Variants in HDAC9 observed in about 807,000 individuals in gnomAD.
HDAC9 encodes histone deacetylase 9.
Under a neutral mutation model 139.4 loss-of-function variants are expected in HDAC9, and 41 were observed. The observed-to-expected ratio is 0.29, with a 90% CI of 0.23 to 0.38. The LOEUF is 0.38. Ranked by LOEUF, HDAC9 falls within the 10% of genes least tolerant of loss-of-function variation. HDAC9 has a pLI of 1.00. For missense variants in HDAC9, 1,147 were observed against 1,297.0 expected (o/e 0.88, Z 1.78); for synonymous variants, 517 against 476.2 (o/e 1.09, Z -1.12).
At chr7:18,412,676 T>A (rs1165024876) in intron 1 of HDAC9, among the ~76,000 whole-genome samples, 1 of 152,156 alleles carries the variant, frequency 6.6e-6, no homozygotes, top group Non-Finnish European at 1.5e-5. Context: ...CTTTATTACA[T>A]GGCAGAAAAC....
chr7:18,548,290 A>C (rs1815889921), intron 2 of HDAC9, among the ~76,000 whole-genome samples: 2 of 152,146 alleles, frequency 1.3e-5, no homozygotes, highest in Admixed American at 6.5e-5. Flanking sequence ...AACATCAAAG[A>C]TCACTGATTA....
At chr7:18,092,617 G>T (rs928666525) in intron 1 of HDAC9, among the ~76,000 whole-genome samples, 2 of 152,024 alleles carry the variant, frequency 1.3e-5, no homozygotes, top group African/African-American at 4.8e-5. Flanking sequence ...ATTGTCCATT[G>T]CCAAAAAGAA....
At chr7:18,155,277 A>G (rs1197052170) in intron 1 of HDAC9, among the ~76,000 whole-genome samples, 1 of 152,062 alleles carries the variant, frequency 6.6e-6, no homozygotes, top group Non-Finnish European at 1.5e-5. Context: ...AAATCAGTGC[A>G]GTAAGACTTT....
At chr7:18,241,637 C>T in intron 2 of HDAC9, among the ~76,000 whole-genome samples, 1 of 152,286 alleles carries the variant, frequency 6.6e-6, no homozygotes, top group East Asian at 1.9e-4. Context: ...AAGTCAACAA[C>T]ATTTTAGTGT....
At chr7:18,606,455 C>G (rs1835526830) in intron 6 of HDAC9, among the ~76,000 whole-genome samples, 1 of 152,142 alleles carries the variant, frequency 6.6e-6, no homozygotes, top group Admixed American at 6.5e-5. Context: ...CAGTGTCCAG[C>G]TTGCTCATGA....
At chr7:18,507,748 C>G (rs1222671572) in intron 2 of HDAC9, among the ~76,000 whole-genome samples, 2 of 152,162 alleles carry the variant, frequency 1.3e-5, no homozygotes, top group Non-Finnish European at 2.9e-5. Context: ...GCCTTGGCCT[C>G]CCATGTTTTT....
At chr7:18,153,391 G>C (rs1471715831) in intron 1 of HDAC9, among the ~76,000 whole-genome samples, 1 of 152,128 alleles carries the variant, frequency 6.6e-6, no homozygotes. Flanking sequence ...TTGGTTACTT[G>C]ATATACACCC....
chr7:18,964,906 C>G (rs552384858), intron 24 of HDAC9, among the ~76,000 whole-genome samples: 1 of 152,300 alleles, frequency 6.6e-6, no homozygotes, highest in South Asian at 2.1e-4. Flanking sequence ...GGCACAAAGC[C>G]TAACCATATC....
At chr7:18,883,767 A>C (rs1005497262) in intron 22 of HDAC9, among the ~76,000 whole-genome samples, 1 of 152,138 alleles carries the variant, frequency 6.6e-6, no homozygotes, top group Non-Finnish European at 1.5e-5. Context: ...TCCAAATGAC[A>C]TGATTTTATA....
chr7:18,968,574 A>G (rs997044602), intron 24 of HDAC9, among the ~76,000 whole-genome samples: 5 of 152,172 alleles, frequency 3.3e-5, no homozygotes, highest in African/African-American at 1.2e-4. Flanking sequence ...GTAACTGACT[A>G]GAGGAAGTTT....
intron 8 of HDAC9, among the ~76,000 whole-genome samples, chr7:18,640,037 T>C (rs1785075830): frequency 6.6e-6 from 1 of 152,074 alleles, no homozygotes. Context: ...ATGCATATTG[T>C]AGATAATTTG....
At chr7:18,544,654 A>T (rs1438631632) in intron 2 of HDAC9, among the ~76,000 whole-genome samples, 3 of 152,226 alleles carry the variant, frequency 2.0e-5, no homozygotes, top group Non-Finnish European at 4.4e-5. Context: ...CAACAACAAC[A>T]AAGATGAGTA....
At chr7:18,514,682 A>G (rs542867578) in intron 2 of HDAC9, among the ~76,000 whole-genome samples, 2 of 152,314 alleles carry the variant, frequency 1.3e-5, no homozygotes, top group South Asian at 2.1e-4. Flanking sequence ...GCCCATGCCT[A>G]TAAACCTCAG....
At chr7:18,684,097 A>G (rs57356479) in intron 12 of HDAC9, among the ~76,000 whole-genome samples, 29,445 of 151,190 alleles carry the variant, frequency 0.19, 4,433 homozygotes, top group African/African-American at 0.42. Context: ...TCTCTACAAA[A>G]AAATACAAGA....
chr7:18,953,103 GT>G (rs1782914251), intron 23 of HDAC9, among the ~76,000 whole-genome samples: 2 of 151,878 alleles, frequency 1.3e-5, no homozygotes, highest in Admixed American at 6.6e-5. Context: ...GTTTTTTTAG[GT>G]TTTCCTACAG....
intron 2 of HDAC9, among the ~76,000 whole-genome samples, chr7:18,546,812 C>T (rs1468047555): frequency 6.6e-6 from 1 of 152,122 alleles, no homozygotes; most frequent in East Asian, 1.9e-4. Context: ...AACTTCTCTC[C>T]GTTGTGTGTT....
In HDAC9 at chr7:18,869,402, CCTT is replaced by C. The variant is rs543488053; in HGVS notation, c.2685-5070_2685-5068del. On this transcript the variant is annotated intron_variant, in intron 21 of 25. Transcript: ENST00000686413. ...ATCTGGTTGTTTAAAAGTAGCACCTCCTTCTTCTCTCTCTTCCTCCTACTCTGC... is the reference window on the plus strand; with the variant it reads ...ATCTGGTTGTTTAAAAGTAGCACCTCCTTCTCTCTCTTCCTCCTACTCTGC... Among the ~76,000 whole-genome samples the C allele has an allele frequency of 2.6e-5, 4 of 152,092 alleles. No homozygotes were observed. The South Asian group carries it at 8.3e-4, about 32-fold the overall frequency.
chr7:18,595,853 G>C (rs1359486912), intron 6 of HDAC9, among the ~76,000 whole-genome samples: 1 of 152,002 alleles, frequency 6.6e-6, no homozygotes, highest in African/African-American at 2.4e-5. Flanking sequence ...CCCATACTTT[G>C]TGTCCCACTG....
chr7:18,261,943 C>CA (rs1239363337), intron 2 of HDAC9, among the ~76,000 whole-genome samples: 1 of 152,118 alleles, frequency 6.6e-6, no homozygotes, highest in Non-Finnish European at 1.5e-5. Flanking sequence ...TGCAATCTGG[C>CA]AAAAAATGTT....
Sources: gnomAD v4.1 joint callset for allele counts (sites outside exome capture counted in the v4.1 genomes callset) on GRCh38, gnomAD v4.1.1 for gene constraint, MANE v1.5 for transcripts, NCBI Gene and HGNC (gene_info 2026-07-23, HGNC 2026-07-21) for gene names.